Variants in EYS observed in about 807,000 individuals in gnomAD.
EYS encodes the protein protein eyes shut homolog.
EYS carries 250 observed loss-of-function variants against 282.1 expected under a neutral mutation model. The ratio of observed to expected loss-of-function variants is 0.89; its 90% CI spans 0.80 to 0.98. The LOEUF is 0.98. Ranked by LOEUF, EYS falls within the 50% of genes least tolerant of loss-of-function variation. The pLI, the probability that EYS is intolerant of heterozygous loss-of-function variation, is 0.00. For missense variants in EYS, 4,016 were observed against 3,709.0 expected, an observed-to-expected ratio of 1.08 and a Z score of -2.15; for synonymous variants, 1,355 against 1,282.9, an observed-to-expected ratio of 1.06 and a Z score of -1.20.
At chr6:65,140,535 A>G (rs928633003) in intron 12 of EYS, among the ~76,000 whole-genome samples, 1 of 151,786 alleles carries the variant, frequency 6.6e-6, no homozygotes, top group African/African-American at 2.4e-5. Context: ...AAAAGAAACT[A>G]CCATCAGAGT....
At chr6:64,864,141 T>G (rs1457959816) in intron 19 of EYS, among the ~76,000 whole-genome samples, 2 of 152,204 alleles carry the variant, frequency 1.3e-5, no homozygotes, top group African/African-American at 4.8e-5. Flanking sequence ...AATGACTGAT[T>G]ATCAATTGGA....
chr6:63,833,121 G>A (rs533650841), intron 36 of EYS, among the ~76,000 whole-genome samples: 5 of 152,262 alleles, frequency 3.3e-5, no homozygotes, highest in Admixed American at 2.6e-4. Context: ...TACTGAATGG[G>A]CAAAAACTGG....
chr6:64,891,785 A>C (rs894366058), intron 18 of EYS, among the ~76,000 whole-genome samples: 3 of 152,056 alleles, frequency 2.0e-5, no homozygotes, highest in African/African-American at 7.2e-5. Context: ...AAAACTCAAT[A>C]TTCATAGCTT....
chr6:64,207,983 T>A (rs1241189154), intron 31 of EYS, among the ~76,000 whole-genome samples: 1 of 152,178 alleles, frequency 6.6e-6, no homozygotes, highest in Non-Finnish European at 1.5e-5. Flanking sequence ...TTTCAGATAT[T>A]GTTTATATAG....
At chr6:64,465,271 G>T (rs916750195) in intron 26 of EYS, among the ~76,000 whole-genome samples, 13 of 151,958 alleles carry the variant, frequency 8.6e-5, no homozygotes, top group African/African-American at 2.9e-4. Context: ...TAAAAATTTT[G>T]TGTGGAGCCA....
intron 8 of EYS, among the ~76,000 whole-genome samples, chr6:65,379,218 T>C (rs922563456): frequency 1.3e-5 from 2 of 151,954 alleles, no homozygotes; most frequent in Non-Finnish European, 1.5e-5. Flanking sequence ...AAATCCTCAA[T>C]AAAATACTGG....
rs1229711857 is a variant in EYS, at chr6:63,723,996, G to A, written c.8234-2199C>T. The stretch of plus-strand genomic sequence containing the variant: ...CTAATTTTTGTATTTTGGGTAGAGC[G>A]AGGTTTTACCATGTTGGCCAGGCTG... On this transcript the variant is annotated intron_variant, in intron 42 of 42. Coordinates refer to ENST00000503581, the MANE Select transcript of EYS (RefSeq NM_001142800.2). 2.6e-5 allele frequency among the ~76,000 whole-genome samples: 4 copies of A among 151,868 alleles called. No homozygotes were observed. In the South Asian group the frequency reaches 8.3e-4, roughly 32 times the overall value.
intron 31 of EYS, among the ~76,000 whole-genome samples, chr6:64,091,308 A>G (rs1312899920): frequency 6.6e-6 from 1 of 152,146 alleles, no homozygotes; most frequent in Non-Finnish European, 1.5e-5. Context: ...ATACTTTTAA[A>G]GTATACTTTG....
intron 14 of EYS, among the ~76,000 whole-genome samples, chr6:64,995,289 A>C (rs1771212820): frequency 6.6e-6 from 1 of 152,158 alleles, no homozygotes; most frequent in Non-Finnish European, 1.5e-5. Flanking sequence ...CTTTTCATGC[A>C]ACTCCAATGG....
intron 33 of EYS, among the ~76,000 whole-genome samples, chr6:64,049,927 CTTACAG>C (rs1420418156): frequency 6.6e-6 from 1 of 152,126 alleles, no homozygotes; most frequent in Admixed American, 6.6e-5. Flanking sequence ...AATTCAACTC[CTTACAG>C]AGCCAGCACA....
intron 8 of EYS, among the ~76,000 whole-genome samples, chr6:65,376,444 G>A (rs555871781): frequency 2.6e-5 from 4 of 152,066 alleles, no homozygotes; most frequent in South Asian, 2.1e-4. Context: ...AAAGACCAAC[G>A]AAACTAAGAA....
At chr6:63,932,309 T>C (rs1463506616) in intron 35 of EYS, among the ~76,000 whole-genome samples, 1 of 152,258 alleles carries the variant, frequency 6.6e-6, no homozygotes, top group African/African-American at 2.4e-5. Context: ...TGCAGGTATC[T>C]CTTTAATATA....
At chr6:65,664,018 C>T (rs1345269109) in intron 1 of EYS, among the ~76,000 whole-genome samples, 4 of 151,762 alleles carry the variant, frequency 2.6e-5, no homozygotes, top group Non-Finnish European at 5.9e-5. Flanking sequence ...ACTACAGGTG[C>T]GGCCACCACG....
chr6:64,405,956 T>G (rs1189808514), intron 28 of EYS, among the ~76,000 whole-genome samples: 1 of 152,142 alleles, frequency 6.6e-6, no homozygotes, highest in Non-Finnish European at 1.5e-5. Context: ...TGGAAAATAC[T>G]ACTTTAAATT....
At chr6:65,488,142 T>A (rs1765882494) in intron 5 of EYS, among the ~76,000 whole-genome samples, 1 of 152,128 alleles carries the variant, frequency 6.6e-6, no homozygotes, top group Non-Finnish European at 1.5e-5. Context: ...GATTCATTGA[T>A]TTTTTCAAAG....
intron 41 of EYS, among the ~76,000 whole-genome samples, chr6:63,733,434 C>T (rs1768829831): frequency 6.6e-6 from 1 of 151,972 alleles, no homozygotes. Flanking sequence ...CCCTTGTGCC[C>T]CTCCCTCCCT....
intron 18 of EYS, among the ~76,000 whole-genome samples, chr6:64,889,529 G>C (rs1004560150): frequency 2.0e-5 from 3 of 151,920 alleles, no homozygotes; most frequent in African/African-American, 7.3e-5. Context: ...CAAATGGAGG[G>C]ACCGACTGAA....
intron 33 of EYS, among the ~76,000 whole-genome samples, chr6:64,038,126 C>G (rs1213956101): frequency 6.7e-6 from 1 of 150,048 alleles, no homozygotes; most frequent in East Asian, 2.0e-4. Context: ...TTACCAGAGG[C>G]TGGGGTGGTT....
intron 31 of EYS, among the ~76,000 whole-genome samples, chr6:64,091,632 T>G (rs1265669608): frequency 1.3e-5 from 2 of 152,130 alleles, no homozygotes; most frequent in African/African-American, 4.8e-5. Flanking sequence ...CATGGCTGGG[T>G]GGATCAGGCA....
Sources: allele counts gnomAD v4.1 joint callset (sites outside exome capture counted in the v4.1 genomes callset), GRCh38; gene constraint gnomAD v4.1.1; transcripts MANE v1.5; gene names NCBI Gene and HGNC (gene_info 2026-07-23, HGNC 2026-07-21).